SEM1: variants seen among roughly 807,000 people sequenced by gnomAD.
The protein encoded by SEM1 is SEM1 26S proteasome subunit, also known as 26S proteasome complex subunit SEM1.
A neutral mutation model predicts 12.7 loss-of-function variants in SEM1; 3 were observed. The ratio of observed to expected loss-of-function variants is 0.24; its 90% CI spans 0.11 to 0.61. The LOEUF (loss-of-function observed/expected upper bound fraction) is 0.61, where lower values mean the gene tolerates loss of function less well. SEM1 is among the 20% of genes least tolerant of loss of function. SEM1 has a pLI of 0.88. For missense variants in SEM1, 59 were observed against 81.3 expected (o/e 0.73, Z 1.06); for synonymous variants, 30 against 27.8 (o/e 1.08, Z -0.25).
chr7:96,558,429 G>A (rs11974183), intron 2 of SEM1, among the ~76,000 whole-genome samples: 86,831 of 152,002 alleles, frequency 0.57, 26,829 homozygotes, highest in Non-Finnish European at 0.69. Flanking sequence ...ACCATCAAAA[G>A]GTCAACCTGG....
intron 2 of SEM1, among the ~76,000 whole-genome samples, chr7:96,527,066 T>C (rs1317443623): frequency 6.6e-6 from 1 of 151,956 alleles, no homozygotes; most frequent in Non-Finnish European, 1.5e-5. Context: ...TTTCCTCGTA[T>C]GTGCACCAAG....
At chr7:96,702,061 C>T (rs1052914797) in intron 1 of SEM1, among the ~76,000 whole-genome samples, 4 of 151,832 alleles carry the variant, frequency 2.6e-5, no homozygotes, top group African/African-American at 7.3e-5. Context: ...AAGAAGGGCA[C>T]CTGTTGGGGG....
At position 96,569,591 on chromosome 7, in the gene SEM1, T is replaced by C. The variant is rs74491473; in HGVS notation, c.171-62893A>G. On this transcript the variant is annotated intron_variant and NMD_transcript_variant, in intron 2 of 3. Transcript: ENST00000466986. ...TAGATACAGGGGGTACAAGTGCAGA[T>C]TTCTTACATGTATGTATTGCCTAAT... Among the ~76,000 whole-genome samples, 1,066 of 152,204 alleles carry C rather than the reference T, an allele frequency of 7.0e-3. 9 individuals carry two copies. Among genetic ancestry groups the C allele is most frequent in the African/African-American group, 0.024 (1,016 of 41,552 alleles).
intron 2 of SEM1, among the ~76,000 whole-genome samples, chr7:96,554,675 T>G (rs1805420268): frequency 6.6e-6 from 1 of 151,688 alleles, no homozygotes; most frequent in African/African-American, 2.4e-5. Context: ...GTTGTGTCTC[T>G]GCCCGGCTTT....
At chr7:96,558,299 A>T (rs1563060136) in intron 2 of SEM1, 1 of 152,354 alleles carries the variant, frequency 6.6e-6, no homozygotes, top group Non-Finnish European at 1.5e-5. Flanking sequence ...GGCAGAGAAT[A>T]CAGTCTTTGC....
intron 2 of SEM1, among the ~76,000 whole-genome samples, chr7:96,539,353 A>T (rs1804880460): frequency 1.3e-5 from 2 of 151,862 alleles, no homozygotes; most frequent in Non-Finnish European, 2.9e-5. Context: ...GTAATTTGGT[A>T]TGTAGCAATA....
At chr7:96,609,010 A>T (rs890215857) in intron 2 of SEM1, among the ~76,000 whole-genome samples, 1 of 152,220 alleles carries the variant, frequency 6.6e-6, no homozygotes, top group Admixed American at 6.5e-5. Context: ...CTTTTTGGGT[A>T]GCTGATGAAG....
intron 1 of SEM1, among the ~76,000 whole-genome samples, chr7:96,707,790 T>C (rs145584045): frequency 2.6e-5 from 4 of 152,330 alleles, no homozygotes; most frequent in East Asian, 1.9e-4. Context: ...ATCAGGTACA[T>C]AGTTATCTCT....
At chr7:96,634,949 T>G (rs1376529672) in intron 2 of SEM1, among the ~76,000 whole-genome samples, 1 of 152,150 alleles carries the variant, frequency 6.6e-6, no homozygotes, top group Non-Finnish European at 1.5e-5. Context: ...ACTTGTCATT[T>G]ATAAACATCA....
At chr7:96,581,305 G>A (rs181523328) in intron 2 of SEM1, among the ~76,000 whole-genome samples, 2 of 152,164 alleles carry the variant, frequency 1.3e-5, no homozygotes, top group East Asian at 1.9e-4. Context: ...ATTTCTGAGG[G>A]CTCTGTCCTG....
At chr7:96,619,725 G>T (rs75822889), downstream of SEM1, among the ~76,000 whole-genome samples, 1,811 of 151,968 alleles carry the variant, frequency 0.012, 42 homozygotes, top group African/African-American at 0.041. Flanking sequence ...GGTATTGCTG[G>T]AAGCTGCAAC....
At chr7:96,489,584 T>C (rs556571448) in intron 1 of SEM1, among the ~76,000 whole-genome samples, 100 of 152,318 alleles carry the variant, frequency 6.6e-4, no homozygotes, top group Non-Finnish European at 1.3e-3. Flanking sequence ...ATTAGTTTTC[T>C]AGACCTGCTG....
At chr7:96,628,569 G>T (rs1284196523) in intron 2 of SEM1, among the ~76,000 whole-genome samples, 2 of 152,014 alleles carry the variant, frequency 1.3e-5, no homozygotes, top group African/African-American at 4.8e-5. Flanking sequence ...ACTGTTTGTT[G>T]TTTGTATTTA....
intron 2 of SEM1, among the ~76,000 whole-genome samples, chr7:96,634,595 T>C (rs1808372219): frequency 6.7e-6 from 1 of 148,370 alleles, no homozygotes; most frequent in African/African-American, 2.4e-5. Context: ...ATATAAGATA[T>C]GTATATAATA....
chr7:96,585,916 A>G (rs142650441), intron 2 of SEM1, among the ~76,000 whole-genome samples: 6,308 of 152,206 alleles, frequency 0.041, 339 homozygotes, highest in Admixed American at 0.14. Flanking sequence ...AAATGCAGAA[A>G]TCACCCGTCT....
At chr7:96,684,125 T>C (rs866044944), downstream of SEM1, among the ~76,000 whole-genome samples, 9 of 152,148 alleles carry the variant, frequency 5.9e-5, no homozygotes, top group Admixed American at 1.3e-4. Context: ...TCTTCCAGAC[T>C]TTCTAATCTT....
At chr7:96,657,182 G>C (rs1352217216) in intron 2 of SEM1, among the ~76,000 whole-genome samples, 2 of 152,160 alleles carry the variant, frequency 1.3e-5, no homozygotes, top group Non-Finnish European at 2.9e-5. Context: ...TTTTTTGTTA[G>C]ATGATTTTTG....
At chr7:96,602,154 G>T (rs935249856) in intron 2 of SEM1, among the ~76,000 whole-genome samples, 12 of 152,258 alleles carry the variant, frequency 7.9e-5, no homozygotes, top group African/African-American at 2.4e-4. Context: ...AAAGCTTCTT[G>T]GTTGAAGATA....
intron 2 of SEM1, among the ~76,000 whole-genome samples, chr7:96,660,729 A>G (rs1022702772): frequency 3.3e-5 from 5 of 152,166 alleles, no homozygotes; most frequent in African/African-American, 4.8e-5. Flanking sequence ...TTTAATGAAC[A>G]TCTAAGGAAA....
Sources: gnomAD v4.1 joint callset for allele counts (sites outside exome capture counted in the v4.1 genomes callset) on GRCh38, gnomAD v4.1.1 for gene constraint, MANE v1.5 for transcripts, NCBI Gene and HGNC (gene_info 2026-07-23, HGNC 2026-07-21) for gene names.